KCTD1: variants seen among roughly 807,000 people sequenced by gnomAD.
The protein encoded by KCTD1 is BTB/POZ domain-containing protein KCTD1.
KCTD1 carries 24 observed loss-of-function variants against 66.0 expected under a neutral mutation model. The ratio of observed to expected loss-of-function variants is 0.36; its 90% confidence interval spans 0.26 to 0.51. The LOEUF (loss-of-function observed/expected upper bound fraction) is 0.51, where lower values mean the gene tolerates loss of function less well. Ranked by LOEUF, KCTD1 falls within the 20% of genes least tolerant of loss-of-function variation. The pLI, the probability that KCTD1 is intolerant of heterozygous loss-of-function variation, is 0.95. For missense variants in KCTD1, 943 were observed against 1,205.2 expected (o/e 0.78, Z 3.22); for synonymous variants, 511 against 517.2 (o/e 0.99, Z 0.16).
Position 26,455,786 on chromosome 18 carries a change from C to G in KCTD1, c.2555G>C (p.Arg852Pro). Residue 852 changes from arginine to proline, a missense_variant, in exon 5 of 5, where the codon CGT becomes CCT. Physicochemically the swap from Arg to Pro is moderately radical, Grantham distance 103 (BLOSUM62 -2). Transcript: ENST00000580059. ...VLRRELRRTP[R>P]VPSVIRIKQE... ...CTTTATCCGGATGACGGAGGGTACACGGGGCGTCCGCCTCAGTTCCCGCCG... is the reference window on the plus strand; with the variant it reads ...CTTTATCCGGATGACGGAGGGTACAGGGGGCGTCCGCCTCAGTTCCCGCCG... The G allele has an allele frequency of 6.2e-7, 1 of 1,614,114 alleles. No homozygotes were observed. The highest frequency in any genetic ancestry group is 8.5e-7 in the Non-Finnish European group (1 of 1,180,034).
chr18:26,600,544 A>G (rs1986870339), intron 1 of KCTD1, among the ~76,000 whole-genome samples: 1 of 152,088 alleles, frequency 6.6e-6, no homozygotes, highest in Admixed American at 6.6e-5. Context: ...CCAAGGTATT[A>G]TGGGGCCCGG....
chr18:26,626,508 C>T (rs1245492054), intron 1 of KCTD1, among the ~76,000 whole-genome samples: 1 of 145,574 alleles, frequency 6.9e-6, no homozygotes, highest in African/African-American at 2.6e-5. Context: ...CAAGGTCTTG[C>T]TCCATCACCC....
intron 1 of KCTD1, among the ~76,000 whole-genome samples, chr18:26,618,683 T>A (rs1392563279): frequency 3.3e-5 from 5 of 152,214 alleles, no homozygotes; most frequent in Non-Finnish European, 7.3e-5. Flanking sequence ...ATTTTCCAAA[T>A]CAGGGTTGTT....
chr18:26,593,601 G>GAA (rs1986683339), intron 1 of KCTD1, among the ~76,000 whole-genome samples: 1 of 142,320 alleles, frequency 7.0e-6, no homozygotes, highest in Non-Finnish European at 1.5e-5. Flanking sequence ...GGACAAGGAG[G>GAA]GAGAAGGAAG....
At chr18:26,578,576 A>C (rs1986283046) in intron 1 of KCTD1, among the ~76,000 whole-genome samples, 1 of 152,146 alleles carries the variant, frequency 6.6e-6, no homozygotes, top group Non-Finnish European at 1.5e-5. Context: ...TGCTGAACTC[A>C]ACTGAACCAA....
chr18:26,569,170 A>T (rs1409759360), intron 1 of KCTD1, among the ~76,000 whole-genome samples: 2 of 152,246 alleles, frequency 1.3e-5, no homozygotes, highest in African/African-American at 4.8e-5. Context: ...CAAAAAAATG[A>T]GGAAGTAGTA....
chr18:26,462,786 T>C (rs1200088087), intron 3 of KCTD1, among the ~76,000 whole-genome samples: 1 of 152,226 alleles, frequency 6.6e-6, no homozygotes, highest in East Asian at 1.9e-4. Flanking sequence ...TCATTTAACT[T>C]TACTCTCTAA....
At chr18:26,497,636 A>G (rs989663620) in intron 2 of KCTD1, among the ~76,000 whole-genome samples, 13 of 152,344 alleles carry the variant, frequency 8.5e-5, no homozygotes, top group African/African-American at 3.1e-4. Context: ...TACCTACAAA[A>G]ATACGCCCCC....
intron 1 of KCTD1, among the ~76,000 whole-genome samples, chr18:26,613,387 T>G (rs924171593): frequency 6.6e-6 from 1 of 152,204 alleles, no homozygotes; most frequent in Non-Finnish European, 1.5e-5. Context: ...ACCCAGCCTG[T>G]GAAGTAAAAT....
rs565782371 is a variant in KCTD1 at position 26,499,220 on chromosome 18, T to C, written c.1988+1852A>G. On this transcript the variant is annotated intron_variant, in intron 2 of 4. Transcript: ENST00000580059. ...TGTCTCTTAATATGCATTTTGTGAC[T>C]TAAACCCTAGAATTAAATTCATCTA... is the stretch of plus-strand genomic sequence containing the variant. Among the ~76,000 whole-genome samples the C allele has an allele frequency of 2.5e-3, 382 of 152,354 alleles. 2 individuals are homozygous for C. Among genetic ancestry groups the C allele is most frequent in the African/African-American group, 8.6e-3 (357 of 41,578 alleles).
At chr18:26,486,668 C>G (rs966467632) in intron 2 of KCTD1, among the ~76,000 whole-genome samples, 1 of 152,186 alleles carries the variant, frequency 6.6e-6, no homozygotes, top group African/African-American at 2.4e-5. Flanking sequence ...GTGACTGCTG[C>G]TCTCCAGGTG....
At chr18:26,481,667 C>T (rs1187883048) in intron 2 of KCTD1, among the ~76,000 whole-genome samples, 2 of 152,206 alleles carry the variant, frequency 1.3e-5, no homozygotes, top group Non-Finnish European at 2.9e-5. Context: ...TTCTCACAGA[C>T]ACAGCTTCTG....
At chr18:26,511,347 G>A (rs1983318706) in intron 1 of KCTD1, among the ~76,000 whole-genome samples, 1 of 152,140 alleles carries the variant, frequency 6.6e-6, no homozygotes, top group Admixed American at 6.5e-5. Flanking sequence ...AGGGGCAGTC[G>A]CCTATGGTTC....
chr18:26,560,667 TTGTC>T (rs1177518104), intron 1 of KCTD1, among the ~76,000 whole-genome samples: 1 of 152,222 alleles, frequency 6.6e-6, no homozygotes, highest in Non-Finnish European at 1.5e-5. Context: ...TGTGTTTAGG[TTGTC>T]TGTGAACCTG....
chr18:26,584,616 G>T (rs1331919943), intron 1 of KCTD1, among the ~76,000 whole-genome samples: 1 of 152,158 alleles, frequency 6.6e-6, no homozygotes, highest in African/African-American at 2.4e-5. Flanking sequence ...CATGACAAAT[G>T]AGACACAGTC....
At chr18:26,656,488 G>A (rs1055839018) in intron 1 of KCTD1, among the ~76,000 whole-genome samples, 1 of 152,020 alleles carries the variant, frequency 6.6e-6, no homozygotes, top group African/African-American at 2.4e-5. Context: ...AGTGGGAGGG[G>A]GCTTTAAAGG....
At chr18:26,483,066 A>G (rs901183948) in intron 2 of KCTD1, among the ~76,000 whole-genome samples, 1 of 152,218 alleles carries the variant, frequency 6.6e-6, no homozygotes, top group African/African-American at 2.4e-5. Context: ...TTTGCTGGCT[A>G]AGAGATTCAG....
intron 1 of KCTD1, among the ~76,000 whole-genome samples, chr18:26,621,835 T>C (rs1401359036): frequency 6.6e-6 from 1 of 152,218 alleles, no homozygotes; most frequent in African/African-American, 2.4e-5. Flanking sequence ...GTACAAAATA[T>C]GCATTTGATG....
At chr18:26,530,267 T>C (rs770301250) in intron 1 of KCTD1, among the ~76,000 whole-genome samples, 8 of 152,192 alleles carry the variant, frequency 5.3e-5, no homozygotes, top group Non-Finnish European at 8.8e-5. Context: ...AAATATATAT[T>C]GGGTGATTCT....
Sources: allele counts gnomAD v4.1 joint callset (sites outside exome capture counted in the v4.1 genomes callset), GRCh38; gene constraint gnomAD v4.1.1; transcripts MANE v1.5; gene names NCBI Gene and HGNC (gene_info 2026-07-23, HGNC 2026-07-21).